Variants in WBP1L observed in about 807,000 individuals in gnomAD.
WBP1L encodes the protein WW domain binding protein 1-like.
Under a neutral mutation model 33.7 loss-of-function variants are expected in WBP1L, and 17 were observed. That is an observed-to-expected ratio of 0.50 (90% CI 0.34 to 0.76). WBP1L has a LOEUF of 0.76. Ranked by LOEUF, WBP1L falls within the 30% of genes least tolerant of loss-of-function variation. WBP1L has a pLI of 0.01. For synonymous variants in WBP1L, 173 were observed against 190.8 expected (o/e 0.91, Z 0.77); for missense variants, 389 against 469.4 (o/e 0.83, Z 1.58).
At chr10:102,790,019 T>C (rs748839626) in intron 1 of WBP1L, among the ~76,000 whole-genome samples, 4 of 152,152 alleles carry the variant, frequency 2.6e-5, no homozygotes, top group Non-Finnish European at 5.9e-5. Context: ...ATTATAGGCA[T>C]GAGCCACCAC....
chr10:102,776,444 T>C (rs374127055), intron 1 of WBP1L: 131 of 1,614,004 alleles, frequency 8.1e-5, no homozygotes, highest in Admixed American at 1.7e-4. Flanking sequence ...GGATCGGGTT[T>C]GGAAGGGAAG....
At chr10:102,797,091 A>G (rs1323629213) in intron 1 of WBP1L, among the ~76,000 whole-genome samples, 3 of 152,206 alleles carry the variant, frequency 2.0e-5, no homozygotes, top group Non-Finnish European at 4.4e-5. Flanking sequence ...TTGAAATTAG[A>G]CTGGGTTATC....
At chr10:102,773,002 T>C (rs1034239598) in intron 1 of WBP1L, among the ~76,000 whole-genome samples, 1 of 151,546 alleles carries the variant, frequency 6.6e-6, no homozygotes, top group African/African-American at 2.4e-5. Flanking sequence ...ACTAAAGTCA[T>C]TTGAAGAAGG....
intron 1 of WBP1L, among the ~76,000 whole-genome samples, chr10:102,767,458 G>A (rs1481179369): frequency 1.3e-5 from 2 of 152,058 alleles, no homozygotes; most frequent in Non-Finnish European, 2.9e-5. Flanking sequence ...GGATTTTGAG[G>A]CTGCAGTGTA....
intron 1 of WBP1L, among the ~76,000 whole-genome samples, chr10:102,761,914 C>G (rs990885289): frequency 1.3e-5 from 2 of 152,154 alleles, no homozygotes; most frequent in African/African-American, 4.8e-5. Context: ...GTGGCGTGAT[C>G]ACAGCTCACT....
chr10:102,776,433 C>A (rs775339742), intron 1 of WBP1L: 10 of 1,614,038 alleles, frequency 6.2e-6, no homozygotes, highest in Non-Finnish European at 8.5e-6. Context: ...TGTTTCTGCA[C>A]GGATCGGGTT....
chr10:102,775,006 T>C (rs1564759809), intron 1 of WBP1L, among the ~76,000 whole-genome samples: 1 of 151,172 alleles, frequency 6.6e-6, no homozygotes, highest in East Asian at 1.9e-4. Flanking sequence ...TACCAGCTCC[T>C]TGGGAGGCTG....
At chr10:102,802,766 G>A (rs918762271) in intron 2 of WBP1L, among the ~76,000 whole-genome samples, 5 of 152,190 alleles carry the variant, frequency 3.3e-5, no homozygotes, top group Non-Finnish European at 7.3e-5. Flanking sequence ...AAAGTGCTGG[G>A]ATTACAGGCA....
Position 102,813,366 on chromosome 10 carries a change from G to A in WBP1L, c.*35G>A. 1 of 1,577,094 alleles carries A rather than the reference G, an allele frequency of 6.3e-7. No individual in the cohort carries two copies. The highest frequency in any genetic ancestry group is 8.6e-7 in the Non-Finnish European group (1 of 1,160,388). On this transcript the variant is annotated 3_prime_UTR_variant, in exon 4 of 4. Coordinates refer to ENST00000448841, the MANE Select transcript of WBP1L (RefSeq NM_001083913.2). ...TGCCAGCACCCAGCAACTTGGCAAA[G>A]CAACCAGGGTAGGGGAGAACCACGA...
intron 1 of WBP1L, among the ~76,000 whole-genome samples, chr10:102,771,051 G>T (rs1189749633): frequency 2.0e-5 from 3 of 152,140 alleles, no homozygotes; most frequent in Admixed American, 1.3e-4. Context: ...CACATCATAG[G>T]GTTGTTGTGG....
intron 1 of WBP1L, among the ~76,000 whole-genome samples, chr10:102,775,340 A>G (rs1205739278): frequency 6.6e-6 from 1 of 152,144 alleles, no homozygotes; most frequent in East Asian, 1.9e-4. Context: ...GACTAGGGAA[A>G]GTCAGAGCAG....
chr10:102,803,329 AATTTCCTGCC>A (rs1843684393), intron 2 of WBP1L, among the ~76,000 whole-genome samples: 1 of 152,172 alleles, frequency 6.6e-6, no homozygotes, highest in African/African-American at 2.4e-5. Flanking sequence ...CCTAATGGGG[AATTTCCTGCC>A]AGTTGAAGAG....
At chr10:102,754,980 C>T (rs1027651996) in intron 1 of WBP1L, among the ~76,000 whole-genome samples, 2 of 151,338 alleles carry the variant, frequency 1.3e-5, no homozygotes, top group Non-Finnish European at 2.9e-5. Context: ...GATGAAGTCT[C>T]GCTCTGTCGC....
At chr10:102,799,759 C>A (rs548238618) in intron 2 of WBP1L, among the ~76,000 whole-genome samples, 2 of 152,130 alleles carry the variant, frequency 1.3e-5, no homozygotes, top group African/African-American at 4.8e-5. Flanking sequence ...CTCATCCCCC[C>A]CATCAACCCC....
chr10:102,747,829 A>C (rs1842882467), intron 1 of WBP1L, among the ~76,000 whole-genome samples: 1 of 152,132 alleles, frequency 6.6e-6, no homozygotes, highest in Non-Finnish European at 1.5e-5. Context: ...TGCCCAGCCT[A>C]AACAGAATAT....
chr10:102,755,725 G>A (rs534496156), intron 1 of WBP1L, among the ~76,000 whole-genome samples: 13 of 151,430 alleles, frequency 8.6e-5, no homozygotes, highest in African/African-American at 1.7e-4. Context: ...AAAACAACAC[G>A]TGCTCATAAC....
intron 2 of WBP1L, among the ~76,000 whole-genome samples, chr10:102,806,378 G>A (rs1277059150): frequency 6.6e-6 from 1 of 152,110 alleles, no homozygotes; most frequent in Non-Finnish European, 1.5e-5. Flanking sequence ...CATGCAGCCA[G>A]GTTCTTAAGC....
chr10:102,762,628 G>A (rs1012211237), intron 1 of WBP1L, among the ~76,000 whole-genome samples: 1 of 152,162 alleles, frequency 6.6e-6, no homozygotes, highest in Non-Finnish European at 1.5e-5. Context: ...CCTTTGCTTA[G>A]TGGATAAAGT....
At chr10:102,763,207 C>CAAAAAA (rs36003893) in intron 1 of WBP1L, among the ~76,000 whole-genome samples, 4 of 94,028 alleles carry the variant, frequency 4.3e-5, no homozygotes, top group Non-Finnish European at 7.9e-5. Flanking sequence ...ACTTTTGTCT[C>CAAAAAA]AAAAAAAAAA....
Sources: gnomAD v4.1 joint callset for allele counts (sites outside exome capture counted in the v4.1 genomes callset) on GRCh38, gnomAD v4.1.1 for gene constraint, MANE v1.5 for transcripts, NCBI Gene and HGNC (gene_info 2026-07-23, HGNC 2026-07-21) for gene names.